Variants in AOPEP observed in about 807,000 individuals in gnomAD.
AOPEP encodes the protein aminopeptidase O.
A neutral mutation model predicts 98.1 loss-of-function variants in AOPEP; 77 were observed. The ratio of observed to expected loss-of-function variants is 0.78; its 90% CI spans 0.65 to 0.95. The LOEUF (loss-of-function observed/expected upper bound fraction) is 0.95, where lower values mean the gene tolerates loss of function less well. AOPEP is among the 40% of genes least tolerant of loss of function. The pLI is 0.00. For synonymous variants in AOPEP, 346 were observed against 365.3 expected (o/e 0.95, Z 0.60); for missense variants, 1,024 against 1,024.7 (o/e 1.00, Z 0.01).
intron 7 of AOPEP, chr9:94,935,145 A>T (rs934525292): frequency 6.6e-6 from 1 of 152,112 alleles, no homozygotes; most frequent in Non-Finnish European, 1.5e-5. Context: ...ATAGTGAGTG[A>T]GTTCTCATGA....
At chr9:95,138,020 G>A in the AOPEP span, among the ~76,000 whole-genome samples, 435 of 152,396 alleles carry the variant, frequency 2.9e-3, 9 homozygotes, top group South Asian at 0.043. Context: ...CTGAAAGGCT[G>A]CCAACGGGCA....
chr9:95,049,633 C>G (rs1488765421), intron 13 of AOPEP, among the ~76,000 whole-genome samples: 1 of 152,158 alleles, frequency 6.6e-6, no homozygotes, highest in African/African-American at 2.4e-5. Context: ...TATAGGAGCA[C>G]ATTTTACATA....
rs1056026703 is a variant in AOPEP, at chr9:94,928,435, A to G, written c.1565A>G (p.Tyr522Cys). Residue 522 changes from tyrosine to cysteine, a missense_variant, in exon 7 of 17, where the codon TAT becomes TGT. Tyr to Cys is a radical substitution (Grantham distance 194). Transcript: ENST00000375315. ...FWATAQQLAP[Y>C]EAREQQELRA... The stretch of plus-strand genomic sequence containing the variant: ...TCTGTGGCTGAGCAGCTGGCCCCCT[A>G]TGAGGCCCGGGAGCAGCAGGAGCTG... 7 of 1,547,992 alleles carry G rather than the reference A, an allele frequency of 4.5e-6. No individual in the cohort carries two copies. The African/African-American group carries it at 5.5e-5, about 12-fold the overall frequency.
chr9:95,008,720 C>A (rs1005010908), intron 13 of AOPEP, among the ~76,000 whole-genome samples: 1 of 152,194 alleles, frequency 6.6e-6, no homozygotes, highest in Non-Finnish European at 1.5e-5. Context: ...TTCCAGTCAT[C>A]CCACCCACCA....
At chr9:94,985,333 C>A (rs1189356848) in intron 11 of AOPEP, among the ~76,000 whole-genome samples, 1 of 152,186 alleles carries the variant, frequency 6.6e-6, no homozygotes, top group Non-Finnish European at 1.5e-5. Flanking sequence ...TGCATGAGCA[C>A]ATGATAGAAA....
chr9:94,795,493 G>C, intron 4 of AOPEP, among the ~76,000 whole-genome samples: 1 of 152,204 alleles, frequency 6.6e-6, no homozygotes, highest in Admixed American at 6.5e-5. Flanking sequence ...TGATGGTGAA[G>C]AAGTACTCTT....
Position 94,775,618 on chromosome 9 carries a change from G to A in AOPEP, c.964+2450G>A, listed in dbSNP as rs911146005. Among the ~76,000 whole-genome samples, 6 of 151,166 alleles carry A rather than the reference G, an allele frequency of 4.0e-5. No homozygotes were observed. The East Asian group carries it at 1.2e-3, about 30-fold the overall frequency. On this transcript the variant is annotated intron_variant, in intron 3 of 16. Coordinates refer to ENST00000375315, the MANE Select transcript of AOPEP (RefSeq NM_001193329.3). The stretch of plus-strand genomic sequence containing the variant: ...TTGACCTCGTGATCTGCCCGCCTAA[G>A]CCTCCCAAAGTGCTGCAATTACAGG...
intron 6 of AOPEP, among the ~76,000 whole-genome samples, chr9:94,925,198 C>T (rs1010363655): frequency 2.0e-5 from 3 of 152,192 alleles, no homozygotes; most frequent in African/African-American, 4.8e-5. Flanking sequence ...GCCATATTGG[C>T]CAGTCTGGTC....
chr9:94,978,481 G>A (rs960454277), intron 10 of AOPEP, among the ~76,000 whole-genome samples: 7 of 152,202 alleles, frequency 4.6e-5, no homozygotes, highest in African/African-American at 9.6e-5. Context: ...TCTAGTAGTC[G>A]AACAAATAGT....
chr9:95,126,789 G>GC, the AOPEP span: 7 of 579,050 alleles, frequency 1.2e-5, no homozygotes, highest in Non-Finnish European at 1.6e-5. Context: ...GTTACAGGCA[G>GC]CTTATTCCTC....
intron 5 of AOPEP, among the ~76,000 whole-genome samples, chr9:94,803,931 G>C (rs1415897363): frequency 6.6e-6 from 1 of 152,160 alleles, no homozygotes; most frequent in East Asian, 1.9e-4. Flanking sequence ...ATCAGGAACC[G>C]TAAAGTATAC....
At chr9:94,765,999 C>T (rs564465803) in intron 2 of AOPEP, among the ~76,000 whole-genome samples, 12 of 152,182 alleles carry the variant, frequency 7.9e-5, no homozygotes, top group African/African-American at 2.4e-4. Context: ...TTCTGTGGTA[C>T]GCGGGTCTGT....
At chr9:94,805,294 C>G (rs1198249043) in intron 5 of AOPEP, among the ~76,000 whole-genome samples, 1 of 151,982 alleles carries the variant, frequency 6.6e-6, no homozygotes, top group Non-Finnish European at 1.5e-5. Flanking sequence ...TATCAGAACA[C>G]CTGGCACCCA....
chr9:95,083,639 CCACA>C (rs752991678), intron 16 of AOPEP, among the ~76,000 whole-genome samples: 2 of 150,008 alleles, frequency 1.3e-5, no homozygotes, highest in African/African-American at 4.9e-5. Flanking sequence ...AGCACACACA[CCACA>C]CACAGCGCGT....
At chr9:94,792,187 A>G (rs1035117299) in intron 3 of AOPEP, among the ~76,000 whole-genome samples, 3 of 152,230 alleles carry the variant, frequency 2.0e-5, no homozygotes, top group Non-Finnish European at 4.4e-5. Flanking sequence ...AGCTAAACAG[A>G]TAACAGGGAC....
chr9:94,905,026 T>A (rs1483540470), intron 5 of AOPEP, among the ~76,000 whole-genome samples: 1 of 152,128 alleles, frequency 6.6e-6, no homozygotes, highest in African/African-American at 2.4e-5. Flanking sequence ...GCTGAAAGGG[T>A]TTTAGGGGGT....
At chr9:94,969,097 G>A (rs187062918) in intron 10 of AOPEP, among the ~76,000 whole-genome samples, 1 of 152,224 alleles carries the variant, frequency 6.6e-6, no homozygotes, top group African/African-American at 2.4e-5. Flanking sequence ...TAGAACCTAT[G>A]CTCTTATCTA....
At chr9:95,011,444 C>T (rs573185464) in intron 13 of AOPEP, among the ~76,000 whole-genome samples, 46 of 152,162 alleles carry the variant, frequency 3.0e-4, no homozygotes, top group Non-Finnish European at 6.0e-4. Flanking sequence ...CCTCGTGATC[C>T]GCCCACCTCG....
chr9:94,888,255 C>T (rs2048449649), intron 5 of AOPEP, among the ~76,000 whole-genome samples: 1 of 149,230 alleles, frequency 6.7e-6, no homozygotes, highest in South Asian at 2.1e-4. Context: ...TGATGTGAAT[C>T]CAAGGAATAA....
Sources: allele counts gnomAD v4.1 joint callset (sites outside exome capture counted in the v4.1 genomes callset), GRCh38; gene constraint gnomAD v4.1.1; transcripts MANE v1.5; gene names NCBI Gene and HGNC (gene_info 2026-07-23, HGNC 2026-07-21).